The following PDE4B variants were observed in gnomAD, a reference collection of about 807,000 sequenced individuals.
The protein encoded by PDE4B is 3',5'-cyclic-AMP phosphodiesterase 4B.
Under a neutral mutation model 82.2 loss-of-function variants are expected in PDE4B, and 20 were observed. The ratio of observed to expected loss-of-function variants is 0.24; its 90% confidence interval spans 0.17 to 0.35. The LOEUF (loss-of-function observed/expected upper bound fraction) is 0.35, where lower values mean the gene tolerates loss of function less well. Ranked by LOEUF, PDE4B falls within the 10% of genes least tolerant of loss-of-function variation. The pLI, the probability that PDE4B is intolerant of heterozygous loss-of-function variation, is 1.00. For synonymous variants in PDE4B, 320 were observed against 318.9 expected (o/e 1.00, Z -0.04); for missense variants, 655 against 907.2 (o/e 0.72, Z 3.57).
chr1:66,170,882 G>C (rs965519467), intron 3 of PDE4B, among the ~76,000 whole-genome samples: 1 of 152,154 alleles, frequency 6.6e-6, no homozygotes, highest in African/African-American at 2.4e-5. Flanking sequence ...AGGTTTACAT[G>C]TATAACAAAG....
chr1:66,173,795 T>G (rs530715230), intron 3 of PDE4B, among the ~76,000 whole-genome samples: 3 of 152,302 alleles, frequency 2.0e-5, no homozygotes, highest in African/African-American at 4.8e-5. Context: ...GTTTGTTGGT[T>G]TGTTTTTTGA....
intron 1 of PDE4B, among the ~76,000 whole-genome samples, chr1:65,902,091 G>A (rs1180808716): frequency 1.3e-5 from 2 of 151,958 alleles, no homozygotes; most frequent in East Asian, 3.9e-4. Flanking sequence ...TCATTGTGTG[G>A]TTTTGAGAGA....
intron 3 of PDE4B, among the ~76,000 whole-genome samples, chr1:66,078,887 G>T (rs970601121): frequency 1.3e-5 from 2 of 151,932 alleles, no homozygotes; most frequent in African/African-American, 4.8e-5. Context: ...TTCAAGTGTG[G>T]GCCACTTAGA....
intron 1 of PDE4B, among the ~76,000 whole-genome samples, chr1:65,809,323 T>C (rs562691953): frequency 1.1e-5 from 1 of 92,370 alleles, no homozygotes; most frequent in East Asian, 3.0e-4. Flanking sequence ...AGAGTGAGAC[T>C]CCATCTCACA....
At chr1:66,076,909 T>C (rs1656465126) in intron 3 of PDE4B, among the ~76,000 whole-genome samples, 1 of 152,178 alleles carries the variant, frequency 6.6e-6, no homozygotes, top group African/African-American at 2.4e-5. Flanking sequence ...AGATTCTGGA[T>C]GTTTGGCCCT....
intron 1 of PDE4B, among the ~76,000 whole-genome samples, chr1:65,853,536 T>C (rs141722282): frequency 2.6e-5 from 4 of 151,956 alleles, no homozygotes; most frequent in Non-Finnish European, 4.4e-5. Flanking sequence ...AACCCTTTTT[T>C]TTTTTTATTT....
At chr1:66,258,671 G>T (rs988822927) in intron 6 of PDE4B, among the ~76,000 whole-genome samples, 2 of 151,968 alleles carry the variant, frequency 1.3e-5, no homozygotes, top group African/African-American at 4.8e-5. Flanking sequence ...CCCTCCCCCC[G>T]CATAAGTTAG....
At chr1:65,871,659 A>G (rs1646574660) in intron 1 of PDE4B, among the ~76,000 whole-genome samples, 1 of 152,212 alleles carries the variant, frequency 6.6e-6, no homozygotes, top group Non-Finnish European at 1.5e-5. Context: ...AAAGGTTGAT[A>G]CTTAGGCACA....
Position 66,361,784 on chromosome 1 carries a change from C to T in PDE4B, c.1011C>T (p.His337=), listed in dbSNP as rs377188281. 4 of 1,611,324 alleles carry T rather than the reference C, an allele frequency of 2.5e-6. No homozygotes were observed. In the African/African-American group the frequency reaches 5.3e-5, roughly 22 times the overall value. ...RFGVNTENED[H]LAKELEDLNK... ...GAGTCAACACTGAAAATGAAGATCA[C>T]CTGGCCAAGGTGTGTATAAGCTCAG... is the stretch of plus-strand genomic sequence containing the variant. Residue 337 remains histidine (H), a synonymous_variant, in exon 10 of 17, where the codon CAC becomes CAT. Coordinates refer to ENST00000341517, the MANE Select transcript of PDE4B (RefSeq NM_002600.4).
Position 65,884,673 on chromosome 1 carries a change from C to A in PDE4B, c.-70-28572C>A, listed in dbSNP as rs1646751496. 3.3e-5 allele frequency among the ~76,000 whole-genome samples: 5 copies of A among 152,160 alleles called. No homozygotes were observed. In the South Asian group the frequency reaches 1.0e-3, roughly 32 times the overall value. On this transcript the variant is annotated intron_variant, in intron 1 of 16. Coordinates refer to ENST00000341517, the MANE Select transcript of PDE4B (RefSeq NM_002600.4). ...GCTAGCCATATGTAGAAAGCTGAAA[C>A]TGGATCCCTTCCTTACACCTTATAC...
chr1:66,119,386 T>A (rs889847774), intron 3 of PDE4B, among the ~76,000 whole-genome samples: 1 of 152,212 alleles, frequency 6.6e-6, no homozygotes, highest in Non-Finnish European at 1.5e-5. Context: ...ACCATTATTA[T>A]GGAGTAGAAC....
chr1:66,363,941 C>A (rs1663024526), intron 12 of PDE4B, among the ~76,000 whole-genome samples: 1 of 152,056 alleles, frequency 6.6e-6, no homozygotes, highest in African/African-American at 2.4e-5. Flanking sequence ...GTTTTGCTTT[C>A]TAATATCAGA....
intron 4 of PDE4B, among the ~76,000 whole-genome samples, chr1:66,251,549 G>A (rs780281629): frequency 5.3e-5 from 8 of 152,240 alleles, no homozygotes; most frequent in Middle Eastern, 3.4e-3. Context: ...TCAAGGGTAC[G>A]GAAACATTAG....
chr1:66,178,058 G>A (rs1025580818), intron 3 of PDE4B, among the ~76,000 whole-genome samples: 2 of 150,652 alleles, frequency 1.3e-5, no homozygotes, highest in Admixed American at 1.3e-4. Flanking sequence ...GACAATGAAA[G>A]GAGAAAATTA....
chr1:66,085,804 T>C (rs1656973247), intron 3 of PDE4B, among the ~76,000 whole-genome samples: 1 of 151,970 alleles, frequency 6.6e-6, no homozygotes, highest in Non-Finnish European at 1.5e-5. Flanking sequence ...TCTTGACAGG[T>C]TATGGGGAAT....
At chr1:66,184,537 T>C (rs1261043933) in intron 3 of PDE4B, among the ~76,000 whole-genome samples, 3 of 152,158 alleles carry the variant, frequency 2.0e-5, no homozygotes, top group African/African-American at 7.2e-5. Context: ...TGGAAGAAGA[T>C]TCAGGATTAA....
chr1:65,882,298 G>C (rs985534930), intron 1 of PDE4B, among the ~76,000 whole-genome samples: 1 of 152,148 alleles, frequency 6.6e-6, no homozygotes, highest in Non-Finnish European at 1.5e-5. Flanking sequence ...TTTCCAACTG[G>C]CTGACTTTCA....
At chr1:65,807,621 C>A (rs1020097658) in intron 1 of PDE4B, among the ~76,000 whole-genome samples, 1 of 152,246 alleles carries the variant, frequency 6.6e-6, no homozygotes, top group Admixed American at 6.5e-5. Flanking sequence ...TCCCTCTAAT[C>A]CCATTTCCTC....
At chr1:66,149,063 G>C (rs59148940) in intron 3 of PDE4B, among the ~76,000 whole-genome samples, 18,337 of 152,214 alleles carry the variant, frequency 0.12, 2,674 homozygotes, top group African/African-American at 0.34. Flanking sequence ...TTTTCCCAAA[G>C]AAGGTGTACC....
Sources: allele counts gnomAD v4.1 joint callset (sites outside exome capture counted in the v4.1 genomes callset), GRCh38; gene constraint gnomAD v4.1.1; transcripts MANE v1.5; gene names NCBI Gene and HGNC (gene_info 2026-07-23, HGNC 2026-07-21).